Variants in SZRD1 observed in about 807,000 individuals in gnomAD.
SZRD1 encodes the protein SUZ RNA-binding domain-containing.
Under a neutral mutation model 17.6 loss-of-function variants are expected in SZRD1, and 7 were observed. The ratio of observed to expected loss-of-function variants is 0.40; its 90% CI spans 0.23 to 0.75. The LOEUF is 0.75. SZRD1 is among the 30% of genes least tolerant of loss of function. The pLI is 0.38. For missense variants in SZRD1, 178 were observed against 201.8 expected (o/e 0.88, Z 0.71); for synonymous variants, 77 against 77.9 (o/e 0.99, Z 0.06).
At chr1:16,381,542 G>GC in intron 1 of SZRD1, among the ~76,000 whole-genome samples, 1 of 144,150 alleles carries the variant, frequency 6.9e-6, no homozygotes. Flanking sequence ...GGGCGACAGC[G>GC]AGACTTCATC....
chr1:16,368,279 A>G (rs566724), intron 1 of SZRD1, among the ~76,000 whole-genome samples: 37,436 of 151,838 alleles, frequency 0.25, 4,941 homozygotes, highest in South Asian at 0.44. Context: ...TCCACCTTAA[A>G]GGTTTACGTG....
At chr1:16,386,413 G>A (rs972971625) in intron 1 of SZRD1, among the ~76,000 whole-genome samples, 3 of 152,184 alleles carry the variant, frequency 2.0e-5, no homozygotes, top group African/African-American at 7.2e-5. Flanking sequence ...AAGTTCTGAG[G>A]CCTGTTTAAT....
chr1:16,389,358 G>A (rs538175510), intron 1 of SZRD1, among the ~76,000 whole-genome samples: 10 of 150,742 alleles, frequency 6.6e-5, no homozygotes, highest in South Asian at 2.1e-4. Flanking sequence ...TTCGCCTCCC[G>A]GGTTCACGCC....
rs191219936 is a variant in SZRD1 at position 16,370,285 on chromosome 1, G to A, written c.51+2977G>A. On this transcript the variant is annotated intron_variant, in intron 1 of 3. Transcript: ENST00000401088. ...CCATTGCCCAGGCTGGAGTGCAGTG[G>A]CTCAATCTCATCTCACTGCAACCTC... is the stretch of plus-strand genomic sequence containing the variant. Among the ~76,000 whole-genome samples, 10 of 150,974 alleles carry A rather than the reference G, an allele frequency of 6.6e-5. No individual in the cohort carries two copies. The East Asian group carries it at 2.0e-3, about 30-fold the overall frequency.
At position 16,393,457 on chromosome 1, in the gene SZRD1, G is replaced by A. The variant is rs1413441100; in HGVS notation, c.331G>A (p.Glu111Lys). ...RILGSASPEE[E>K]QEKPILDRPT... ...CCTGGGCAGCGCCAGCCCCGAGGAG[G>A]AGCAGGAGAAACCCATCCTCGACAG... The change falls in exon 3 of 4, where the codon GAG (glutamate) becomes AAG (lysine). Residue 111 changes from glutamate (E) to lysine (K), a missense_variant. By Grantham distance (56) the Glu-to-Lys change is moderately conservative. This residue lies in a region of SZRD1 where 57 missense variants were observed against 71.9 expected (regional missense o/e 0.79). Transcript: ENST00000401088. The surrounding 1 kb of genome is among the most constrained non-coding windows in gnomAD (Gnocchi z 5.6). 12 of 1,613,370 alleles carry A rather than the reference G, an allele frequency of 7.4e-6. No homozygotes were observed. Among genetic ancestry groups the A allele is most frequent in the Admixed American group, 1.7e-5 (1 of 59,948 alleles).
Position 16,391,451 on chromosome 1 carries a change from T to C in SZRD1, c.101+27T>C, listed in dbSNP as rs1174717609. ...TAAGGCTGCTGTCTGGTCTGAGGGC[T>C]CATGCTCTCTGTGGTTTGAGAGCCG... is the stretch of plus-strand genomic sequence containing the variant. On this transcript the variant is annotated intron_variant, in intron 2 of 3. Coordinates refer to ENST00000401088, the MANE Select transcript of SZRD1 (RefSeq NM_001114600.3). This position sits in a 1 kb window ranked among gnomAD's most constrained non-coding sequence, Gnocchi z 4.3. 6.5e-7 allele frequency: 1 copy of C among 1,540,072 alleles called. No individual in the cohort carries two copies. The highest frequency in any genetic ancestry group is 8.8e-7 in the Non-Finnish European group (1 of 1,138,902).
At chr1:16,378,174 A>G (rs753600935) in intron 1 of SZRD1, among the ~76,000 whole-genome samples, 12 of 152,078 alleles carry the variant, frequency 7.9e-5, no homozygotes, top group Admixed American at 5.9e-4. Context: ...ACTCAAAACA[A>G]TACATTGTCT....
intron 3 of SZRD1, among the ~76,000 whole-genome samples, chr1:16,394,657 A>G (rs1311324591): frequency 2.0e-5 from 3 of 152,196 alleles, no homozygotes; most frequent in Admixed American, 6.6e-5. Context: ...AGCTATATGG[A>G]CAGTTGATTT....
At chr1:16,377,464 A>G (rs527819923) in intron 1 of SZRD1, among the ~76,000 whole-genome samples, 1 of 151,886 alleles carries the variant, frequency 6.6e-6, no homozygotes, top group East Asian at 1.9e-4. Context: ...GTGCACCTGT[A>G]ATCCCAGCTA....
intron 1 of SZRD1, among the ~76,000 whole-genome samples, chr1:16,374,088 G>A (rs2082957400): frequency 6.6e-6 from 1 of 152,190 alleles, no homozygotes; most frequent in Non-Finnish European, 1.5e-5. Flanking sequence ...TGGGAAAAAA[G>A]AGATCAATTA....
At chr1:16,369,275 G>C in intron 1 of SZRD1, 1 of 649,082 alleles carries the variant, frequency 1.5e-6, no homozygotes, top group Admixed American at 2.5e-5. Context: ...GTTTTGGTGA[G>C]ATATTTGAAA....
intron 1 of SZRD1, among the ~76,000 whole-genome samples, chr1:16,379,355 G>A (rs572801993): frequency 2.0e-5 from 3 of 152,100 alleles, no homozygotes; most frequent in East Asian, 1.9e-4. Context: ...CGCCCGCCTC[G>A]TCCTCCCAAA....
At chr1:16,385,388 G>T (rs916739482) in intron 1 of SZRD1, among the ~76,000 whole-genome samples, 1 of 152,090 alleles carries the variant, frequency 6.6e-6, no homozygotes, top group Non-Finnish European at 1.5e-5. Context: ...TGGCTAGTTC[G>T]AATCAGTCCC....
intron 1 of SZRD1, among the ~76,000 whole-genome samples, chr1:16,371,793 G>T (rs1250669989): frequency 6.6e-6 from 1 of 151,964 alleles, no homozygotes; most frequent in Non-Finnish European, 1.5e-5. Context: ...TTGCTCTGTT[G>T]CCAAGGTTGG....
At chr1:16,379,424 T>TGC (rs2083057989) in intron 1 of SZRD1, among the ~76,000 whole-genome samples, 2 of 152,228 alleles carry the variant, frequency 1.3e-5, no homozygotes, top group Non-Finnish European at 2.9e-5. Flanking sequence ...TTCTGTCACT[T>TGC]ACTAGTTGTG....
intron 1 of SZRD1, among the ~76,000 whole-genome samples, chr1:16,376,709 G>A (rs1041812993): frequency 1.3e-5 from 2 of 151,054 alleles, no homozygotes; most frequent in Non-Finnish European, 2.9e-5. Flanking sequence ...GGGAGGCTGA[G>A]GCAGGAGAAT....
intron 1 of SZRD1, among the ~76,000 whole-genome samples, chr1:16,380,476 T>TTA (rs2083082471): frequency 6.6e-6 from 1 of 152,010 alleles, no homozygotes; most frequent in Non-Finnish European, 1.5e-5. Context: ...CTTTTATTTT[T>TTA]TTTTTTGAGA....
chr1:16,392,462 C>T (rs1416352244), intron 2 of SZRD1, among the ~76,000 whole-genome samples: 2 of 152,194 alleles, frequency 1.3e-5, no homozygotes, highest in Non-Finnish European at 2.9e-5. Context: ...CCACCTCTCC[C>T]TGTGGACACA....
intron 1 of SZRD1, 112 bp downstream of exon 1, chr1:16,367,420 G>C: frequency 9.4e-7 from 1 of 1,063,608 alleles, no homozygotes; most frequent in Non-Finnish European, 1.3e-6. Context: ...CCATACGCCG[G>C]GCTGGGGGTG....
Sources: gnomAD v4.1 joint callset for allele counts (sites outside exome capture counted in the v4.1 genomes callset) on GRCh38, gnomAD v4.1.1 for gene constraint, gnomAD v4.1.1 regional missense constraint, Gnocchi (gnomAD v3.1) non-coding constraint, MANE v1.5 for transcripts, NCBI Gene and HGNC (gene_info 2026-07-23, HGNC 2026-07-21) for gene names.